Variants in ROBO2 observed in about 807,000 individuals in gnomAD.
ROBO2 encodes the protein roundabout homolog 2.
In ROBO2, 53 loss-of-function variants were observed where a neutral mutation model predicts 160.8. The observed-to-expected ratio is 0.33, with a 90% CI of 0.26 to 0.41. The LOEUF (loss-of-function observed/expected upper bound fraction) is 0.41. ROBO2 is among the 10% of genes least tolerant of loss of function. The pLI is 1.00. For synonymous variants in ROBO2, 664 were observed against 611.7 expected, an observed-to-expected ratio of 1.09 and a Z score of -1.26; for missense variants, 1,577 against 1,722.4, an observed-to-expected ratio of 0.92 and a Z score of 1.49.
At chr3:76,800,234 A>G (rs1211575878) in intron 2 of ROBO2, among the ~76,000 whole-genome samples, 1 of 152,194 alleles carries the variant, frequency 6.6e-6, no homozygotes, top group Non-Finnish European at 1.5e-5. Context: ...AATGAATTAA[A>G]GACTTAAATT....
intron 2 of ROBO2, among the ~76,000 whole-genome samples, chr3:77,201,644 T>C (rs936634746): frequency 2.6e-5 from 4 of 152,200 alleles, no homozygotes; most frequent in African/African-American, 9.6e-5. Context: ...TTTCACTGTA[T>C]GTGACATTGC....
chr3:76,238,696 C>T (rs1705107716), intron 2 of ROBO2, among the ~76,000 whole-genome samples: 1 of 151,762 alleles, frequency 6.6e-6, no homozygotes, highest in Non-Finnish European at 1.5e-5. Flanking sequence ...ATCTAATCAA[C>T]TCCCCCCAGG....
intron 2 of ROBO2, among the ~76,000 whole-genome samples, chr3:76,290,804 G>A (rs1708764129): frequency 6.6e-6 from 1 of 151,900 alleles, no homozygotes; most frequent in Non-Finnish European, 1.5e-5. Context: ...TTTGGTTTTG[G>A]TTATGTGATG....
intron 2 of ROBO2, among the ~76,000 whole-genome samples, chr3:76,282,881 T>C (rs1203226877): frequency 2.0e-5 from 3 of 151,754 alleles, no homozygotes; most frequent in Non-Finnish European, 4.4e-5. Flanking sequence ...CCACCTTTTG[T>C]CAGCCTTAGC....
At chr3:77,249,881 A>C (rs1010564416) in intron 2 of ROBO2, among the ~76,000 whole-genome samples, 1 of 151,552 alleles carries the variant, frequency 6.6e-6, no homozygotes, top group Non-Finnish European at 1.5e-5. Flanking sequence ...TAAAGTTACT[A>C]AGTGTTAGAT....
intron 24 of ROBO2, among the ~76,000 whole-genome samples, chr3:77,639,273 TAGACAATGGGAGCCAAAC>T (rs1329514834): frequency 6.6e-6 from 1 of 152,138 alleles, no homozygotes. Flanking sequence ...TAACATATAA[TAGACAATGGGAGCCAAAC>T]AGACAAAATC....
chr3:76,440,621 C>T (rs550595615), intron 2 of ROBO2, among the ~76,000 whole-genome samples: 38 of 152,256 alleles, frequency 2.5e-4, no homozygotes, highest in African/African-American at 7.9e-4. Flanking sequence ...CAATACCTCA[C>T]TGTTACCCCT....
At position 76,932,125 on chromosome 3, in the gene ROBO2, A is replaced by C. The variant is rs1036772014; in HGVS notation, c.110-165889A>C. The stretch of plus-strand genomic sequence containing the variant: ...TTAGGACTTCCAAACATAGACTACC[A>C]AAAAAAATGGCATATAAAAAATAAG... On this transcript the variant is annotated intron_variant, in intron 2 of 26. Coordinates refer to the ROBO2 transcript ENST00000487694. Among the ~76,000 whole-genome samples, 3 of 151,822 alleles carry C rather than the reference A, an allele frequency of 2.0e-5. No homozygotes were observed. The South Asian group carries it at 6.2e-4, about 31-fold the overall frequency.
At chr3:76,764,136 T>A (rs1264951865) in intron 2 of ROBO2, among the ~76,000 whole-genome samples, 1 of 151,732 alleles carries the variant, frequency 6.6e-6, no homozygotes, top group African/African-American at 2.4e-5. Flanking sequence ...GTTTTGTCCT[T>A]TGAGAATTAG....
chr3:77,396,428 G>A (rs1482207157), intron 2 of ROBO2, among the ~76,000 whole-genome samples: 1 of 152,068 alleles, frequency 6.6e-6, no homozygotes, highest in African/African-American at 2.4e-5. Flanking sequence ...ACAAAAGAGT[G>A]AATACGTGAA....
At chr3:76,863,984 A>G (rs1168654291) in intron 2 of ROBO2, among the ~76,000 whole-genome samples, 1 of 152,076 alleles carries the variant, frequency 6.6e-6, no homozygotes, top group Non-Finnish European at 1.5e-5. Flanking sequence ...TAACTTCTCT[A>G]ATAAATATAG....
intron 2 of ROBO2, among the ~76,000 whole-genome samples, chr3:76,168,013 A>T (rs981832210): frequency 3.3e-5 from 5 of 152,158 alleles, no homozygotes; most frequent in African/African-American, 7.2e-5. Flanking sequence ...GTTTTAGGCA[A>T]AAGTAGATGA....
intron 2 of ROBO2, among the ~76,000 whole-genome samples, chr3:76,861,405 T>C (rs2070766569): frequency 1.3e-5 from 2 of 152,168 alleles, no homozygotes; most frequent in South Asian, 4.1e-4. Context: ...ATAGTAATTC[T>C]TAGTAAATTA....
intron 2 of ROBO2, among the ~76,000 whole-genome samples, chr3:76,338,741 G>A (rs2074041456): frequency 6.7e-6 from 1 of 149,794 alleles, no homozygotes; most frequent in Admixed American, 6.7e-5. Flanking sequence ...TAGAAATTAT[G>A]TATAATTATT....
chr3:76,671,981 T>C (rs1321775639), intron 2 of ROBO2, among the ~76,000 whole-genome samples: 1 of 152,106 alleles, frequency 6.6e-6, no homozygotes, highest in Admixed American at 6.6e-5. Context: ...TAAACTATGG[T>C]TTCTGCCCTC....
chr3:76,355,474 G>T (rs572547409), intron 2 of ROBO2, among the ~76,000 whole-genome samples: 1 of 151,860 alleles, frequency 6.6e-6, no homozygotes. Flanking sequence ...AAATCAAATT[G>T]TGAATATCAG....
chr3:77,197,379 C>G (rs1293786126), intron 2 of ROBO2, among the ~76,000 whole-genome samples: 1 of 152,186 alleles, frequency 6.6e-6, no homozygotes, highest in Non-Finnish European at 1.5e-5. Context: ...TTCATCTTAA[C>G]TGGGTCCATG....
intron 2 of ROBO2, among the ~76,000 whole-genome samples, chr3:76,776,539 A>T: frequency 6.6e-6 from 1 of 150,742 alleles, no homozygotes; most frequent in East Asian, 2.0e-4. Context: ...GGTACTTCAC[A>T]CCCTTTAAGG....
intron 21 of ROBO2, among the ~76,000 whole-genome samples, chr3:77,610,529 C>G (rs2094607369): frequency 6.6e-6 from 1 of 151,858 alleles, no homozygotes; most frequent in South Asian, 2.1e-4. Context: ...TGAGGTGAAT[C>G]TAGAATCATT....
Sources: gnomAD v4.1 joint callset for allele counts (sites outside exome capture counted in the v4.1 genomes callset) on GRCh38, gnomAD v4.1.1 for gene constraint, MANE v1.5 for transcripts, NCBI Gene and HGNC (gene_info 2026-07-23, HGNC 2026-07-21) for gene names.